Variants in XKR9 observed in about 807,000 individuals in gnomAD.
XKR9 encodes the protein XK-related protein 9.
Under a neutral mutation model 32.0 loss-of-function variants are expected in XKR9, and 32 were observed. The ratio of observed to expected loss-of-function variants is 1.00; its 90% confidence interval spans 0.76 to 1.34. The LOEUF is 1.34. Among genes scored for constraint, XKR9 ranks in the 40% most tolerant of loss-of-function variants. XKR9 has a pLI of 0.00. For synonymous variants in XKR9, 168 were observed against 143.4 expected, an observed-to-expected ratio of 1.17 and a Z score of -1.22; for missense variants, 546 against 429.7, an observed-to-expected ratio of 1.27 and a Z score of -2.39.
At chr8:70,727,241 A>C (rs978562789) in intron 4 of XKR9, among the ~76,000 whole-genome samples, 2 of 152,126 alleles carry the variant, frequency 1.3e-5, no homozygotes, top group African/African-American at 4.8e-5. Flanking sequence ...TAATTTGATA[A>C]AAATCAAAAC....
intron 2 of XKR9, among the ~76,000 whole-genome samples, chr8:70,757,882 T>C (rs7018381): frequency 0.4 from 61,323 of 152,082 alleles, 13,905 homozygotes; most frequent in Non-Finnish European, 0.52. Flanking sequence ...CCACCGTGCC[T>C]GGCTGCTTTC....
At chr8:70,786,870 C>T (rs921564864) in intron 2 of XKR9, among the ~76,000 whole-genome samples, 13 of 152,120 alleles carry the variant, frequency 8.5e-5, no homozygotes, top group African/African-American at 2.9e-4. Flanking sequence ...TGTCTTCCTT[C>T]GTGGTTGATG....
the XKR9 span, among the ~76,000 whole-genome samples, chr8:70,803,410 T>A: frequency 3.3e-5 from 5 of 152,224 alleles, no homozygotes; most frequent in African/African-American, 1.2e-4. Flanking sequence ...ATGACCTTCA[T>A]TCCTATTCAT....
At chr8:70,707,925 C>G (rs1805776794) in intron 4 of XKR9, among the ~76,000 whole-genome samples, 2 of 151,974 alleles carry the variant, frequency 1.3e-5, no homozygotes, top group South Asian at 4.1e-4. Context: ...ATAATAATCA[C>G]AAATTGCATT....
chr8:70,991,125 A>G, the XKR9 span, among the ~76,000 whole-genome samples: 1 of 152,170 alleles, frequency 6.6e-6, no homozygotes, highest in Non-Finnish European at 1.5e-5. Context: ...GAAAGTAAGA[A>G]GAGTTCAGTC....
intron 4 of XKR9, 142 bp from the exon 5 acceptor site, chr8:70,733,654 A>G: frequency 1.2e-6 from 1 of 811,260 alleles, no homozygotes; most frequent in South Asian, 3.3e-5. Context: ...AATAATATCT[A>G]CTTCAAAAGA....
chr8:70,720,495 G>A (rs569040783), intron 4 of XKR9, among the ~76,000 whole-genome samples: 2 of 152,150 alleles, frequency 1.3e-5, no homozygotes, highest in Admixed American at 6.5e-5. Flanking sequence ...TTTATTGAGT[G>A]TTTTTAGCAT....
At chr8:70,776,265 T>C (rs775930320) in intron 2 of XKR9, among the ~76,000 whole-genome samples, 2 of 152,200 alleles carry the variant, frequency 1.3e-5, no homozygotes, top group Non-Finnish European at 2.9e-5. Flanking sequence ...ATTCAGATTT[T>C]CTGCTCTTCT....
chr8:70,946,667 G>A, the XKR9 span, among the ~76,000 whole-genome samples: 1 of 152,162 alleles, frequency 6.6e-6, no homozygotes, highest in Admixed American at 6.5e-5. Flanking sequence ...GGTGTCACTT[G>A]TTCAGGCCCA....
chr8:70,673,803 T>C (rs1236987443), intron 1 of XKR9, among the ~76,000 whole-genome samples: 1 of 151,510 alleles, frequency 6.6e-6, no homozygotes, highest in Non-Finnish European at 1.5e-5. Context: ...TTTGTGAATA[T>C]GTTTAGAAAT....
At chr8:70,759,612 A>G (rs1170071209) in intron 2 of XKR9, among the ~76,000 whole-genome samples, 1 of 152,200 alleles carries the variant, frequency 6.6e-6, no homozygotes, top group African/African-American at 2.4e-5. Context: ...ATTAAAGATA[A>G]TAAGCTATTT....
At chr8:70,805,048 A>T in the XKR9 span, among the ~76,000 whole-genome samples, 16,509 of 152,194 alleles carry the variant, frequency 0.11, 1,025 homozygotes, top group African/African-American at 0.17. Context: ...GAACCATAAT[A>T]AGCATGTAAA....
chr8:70,922,437 A>T, the XKR9 span, among the ~76,000 whole-genome samples: 2 of 152,120 alleles, frequency 1.3e-5, no homozygotes, highest in Non-Finnish European at 2.9e-5. Context: ...TTTTGGGGGG[A>T]TAATTACCTA....
the XKR9 span, among the ~76,000 whole-genome samples, chr8:70,811,516 A>C: frequency 1.3e-5 from 2 of 152,240 alleles, no homozygotes; most frequent in Non-Finnish European, 2.9e-5. Context: ...GTTTTTTGAA[A>C]AGATCAACAA....
chr8:71,039,630 A>G, the XKR9 span, among the ~76,000 whole-genome samples: 1 of 152,204 alleles, frequency 6.6e-6, no homozygotes, highest in Non-Finnish European at 1.5e-5. Flanking sequence ...AAAGTGAAAA[A>G]TAAATTATTT....
the XKR9 span, among the ~76,000 whole-genome samples, chr8:70,801,127 C>T: frequency 6.6e-5 from 10 of 151,988 alleles, 1 homozygote; most frequent in Non-Finnish European, 1.3e-4. Flanking sequence ...TTCAAGGAAC[C>T]AACTCATGGA....
At chr8:70,820,972 C>A in the XKR9 span, among the ~76,000 whole-genome samples, 1 of 152,156 alleles carries the variant, frequency 6.6e-6, no homozygotes, top group South Asian at 2.1e-4. Context: ...GCATTCCCAA[C>A]AGTCCCCCAA....
intron 4 of XKR9, among the ~76,000 whole-genome samples, chr8:70,709,280 A>G (rs1013437788): frequency 8.5e-5 from 13 of 152,166 alleles, no homozygotes; most frequent in Admixed American, 3.3e-4. Flanking sequence ...CTAGGCATCA[A>G]AGGATGCCCG....
At chr8:70,761,122 AT>A (rs1419732093) in intron 2 of XKR9, among the ~76,000 whole-genome samples, 1 of 152,202 alleles carries the variant, frequency 6.6e-6, no homozygotes, top group East Asian at 1.9e-4. Flanking sequence ...ATTGATGGGC[AT>A]TTAGGTTGAT....
Sources: gnomAD v4.1 joint callset for allele counts (sites outside exome capture counted in the v4.1 genomes callset) on GRCh38, gnomAD v4.1.1 for gene constraint, MANE v1.5 for transcripts, NCBI Gene and HGNC (gene_info 2026-07-23, HGNC 2026-07-21) for gene names.